The following CCDC38 variants were observed in gnomAD, a reference collection of about 807,000 sequenced individuals.
CCDC38 encodes the protein coiled-coil domain containing 38.
In CCDC38, 69 loss-of-function variants were observed where a neutral mutation model predicts 72.8. That is an observed-to-expected ratio of 0.95 (90% confidence interval 0.78 to 1.16). The LOEUF (loss-of-function observed/expected upper bound fraction) is 1.16, where lower values mean the gene tolerates loss of function less well. CCDC38 is among the 50% of genes most tolerant of loss of function. The pLI is 0.00. For missense variants in CCDC38, 626 were observed against 638.9 expected (o/e 0.98, Z 0.22); for synonymous variants, 201 against 213.2 (o/e 0.94, Z 0.50).
intron 2 of CCDC38, among the ~76,000 whole-genome samples, chr12:95,928,539 C>T (rs1192064246): frequency 4.6e-5 from 7 of 152,348 alleles, no homozygotes; most frequent in Admixed American, 1.3e-4. Flanking sequence ...TCTCTCAGCT[C>T]GTCAAAGTCA....
chr12:95,904,542 CAA>C, intron 5 of CCDC38, among the ~76,000 whole-genome samples: 1 of 152,254 alleles, frequency 6.6e-6, no homozygotes, highest in Non-Finnish European at 1.5e-5. Context: ...GTTCTAAATG[CAA>C]AGCTTCCAGT....
chr12:95,927,428 G>A (rs949134643), intron 2 of CCDC38, among the ~76,000 whole-genome samples: 1 of 149,086 alleles, frequency 6.7e-6, no homozygotes, highest in African/African-American at 2.5e-5. Flanking sequence ...GAGCCTATGT[G>A]TGTCTCTGCA....
chr12:95,910,066 A>G (rs1312843160), intron 4 of CCDC38, among the ~76,000 whole-genome samples: 1 of 152,182 alleles, frequency 6.6e-6, no homozygotes, highest in Admixed American at 6.5e-5. Flanking sequence ...ATCCAGCAAG[A>G]GAAAGAAACA....
intron 2 of CCDC38, among the ~76,000 whole-genome samples, chr12:95,923,757 T>C (rs554902532): frequency 6.6e-6 from 1 of 151,708 alleles, no homozygotes; most frequent in African/African-American, 2.4e-5. Flanking sequence ...GTGTTCTCAT[T>C]GTTCAATTCC....
intron 2 of CCDC38, among the ~76,000 whole-genome samples, chr12:95,926,061 G>C (rs2080267135): frequency 7.0e-6 from 1 of 142,308 alleles, no homozygotes; most frequent in Non-Finnish European, 1.5e-5. Flanking sequence ...CTCATAAAAT[G>C]AGTTAGGGAG....
intron 5 of CCDC38, among the ~76,000 whole-genome samples, chr12:95,899,569 G>T (rs1367173225): frequency 6.6e-6 from 1 of 152,154 alleles, no homozygotes; most frequent in African/African-American, 2.4e-5. Flanking sequence ...AAAGTGCTGG[G>T]ATTACAGGCG....
intron 7 of CCDC38, among the ~76,000 whole-genome samples, chr12:95,895,849 G>C (rs963294642): frequency 6.6e-5 from 10 of 150,504 alleles, no homozygotes; most frequent in African/African-American, 2.0e-4. Context: ...TGAGGTCAAG[G>C]GTTCAAGACC....
intron 4 of CCDC38, among the ~76,000 whole-genome samples, chr12:95,911,186 T>A (rs2080090699): frequency 6.6e-6 from 1 of 152,194 alleles, no homozygotes; most frequent in Non-Finnish European, 1.5e-5. Context: ...GCTAGCCATA[T>A]GCAGAAGAAT....
intron 2 of CCDC38, among the ~76,000 whole-genome samples, chr12:95,923,775 G>A (rs1157038030): frequency 2.0e-5 from 3 of 150,718 alleles, no homozygotes; most frequent in Admixed American, 6.6e-5. Context: ...TCCCACCTAT[G>A]AGTGAGAATA....
intron 8 of CCDC38, among the ~76,000 whole-genome samples, chr12:95,892,834 G>A (rs1003883325): frequency 6.6e-6 from 1 of 152,026 alleles, no homozygotes; most frequent in Non-Finnish European, 1.5e-5. Context: ...CTCCCAAAAT[G>A]CTGGGATTAC....
intron 9 of CCDC38, 149 bp from the exon 10 acceptor site, chr12:95,888,655 A>G: frequency 1.6e-6 from 1 of 625,676 alleles, no homozygotes; most frequent in South Asian, 2.1e-5. Context: ...TTTTTAAAAA[A>G]TTATTTTATT....
intron 2 of CCDC38, among the ~76,000 whole-genome samples, chr12:95,928,797 C>A (rs1472665921): frequency 2.0e-5 from 3 of 152,074 alleles, no homozygotes; most frequent in Non-Finnish European, 4.4e-5. Flanking sequence ...AGTACCCGGC[C>A]GTGTGAGGTG....
chr12:95,891,528 T>G (rs567697032), intron 8 of CCDC38, among the ~76,000 whole-genome samples: 7 of 152,058 alleles, frequency 4.6e-5, no homozygotes, highest in African/African-American at 1.7e-4. Context: ...GTATTTTTTT[T>G]GTAGAGATGG....
Position 95,895,181 on chromosome 12 carries a change from T to C in CCDC38, c.615-35A>G, listed in dbSNP as rs200271577. 4 of 1,523,498 alleles carry C rather than the reference T, an allele frequency of 2.6e-6. No homozygotes were observed. In the African/African-American group the frequency reaches 5.6e-5, roughly 21 times the overall value. 94.4% of individuals were successfully genotyped at this position (1,523,498 alleles called of 1,614,324 possible). A position where few individuals can be genotyped will look rare whatever the true frequency, so the allele number is the denominator to read the frequency against. On this transcript the variant is annotated intron_variant, in intron 7 of 15. Coordinates refer to ENST00000344280, the MANE Select transcript of CCDC38 (RefSeq NM_182496.3). ...AGAAACAAAGATATGATTAGGTATA[T>C]CAGTGTGAAAGCACATTCATTAGAA... is the stretch of plus-strand genomic sequence containing the variant.
intron 5 of CCDC38, 117 bp from the exon 6 acceptor site, chr12:95,898,848 G>A (rs568088391): frequency 6.4e-5 from 64 of 999,250 alleles, no homozygotes; most frequent in African/African-American, 5.7e-4. Flanking sequence ...CCTAAATCTT[G>A]GAGCAATGGA....
intron 7 of CCDC38, among the ~76,000 whole-genome samples, chr12:95,896,279 C>T (rs1335437972): frequency 6.6e-6 from 1 of 152,034 alleles, no homozygotes; most frequent in Non-Finnish European, 1.5e-5. Flanking sequence ...GACTCAGATG[C>T]CCAAGCTCTT....
At chr12:95,885,795 TAA>T (rs2079752657) in intron 10 of CCDC38, 6 of 102,230 alleles carry the variant, frequency 5.9e-5, no homozygotes, top group African/African-American at 2.2e-4. Flanking sequence ...ACTGCATCAA[TAA>T]TGCCTATGTT....
chr12:95,916,123 C>T (rs1434707785), intron 4 of CCDC38, among the ~76,000 whole-genome samples: 1 of 152,180 alleles, frequency 6.6e-6, no homozygotes, highest in Non-Finnish European at 1.5e-5. Flanking sequence ...TGTGATTGAA[C>T]GTAGATATGC....
At chr12:95,905,125 TATAA>T (rs2079988145) in intron 5 of CCDC38, among the ~76,000 whole-genome samples, 1 of 152,370 alleles carries the variant, frequency 6.6e-6, no homozygotes, top group East Asian at 1.9e-4. Context: ...AAATGCTATA[TATAA>T]ATAGTTGTTA....
Sources: allele counts gnomAD v4.1 joint callset (sites outside exome capture counted in the v4.1 genomes callset), GRCh38; gene constraint gnomAD v4.1.1; transcripts MANE v1.5; gene names NCBI Gene and HGNC (gene_info 2026-07-23, HGNC 2026-07-21).